Variants in XPO6 observed in about 807,000 individuals in gnomAD.
The protein encoded by XPO6 is exportin 6.
Under a neutral mutation model 130.0 loss-of-function variants are expected in XPO6, and 3 were observed. That is an observed-to-expected ratio of 0.02 (90% CI 0.01 to 0.06). XPO6 has a LOEUF of 0.06. XPO6 is among the 10% of genes least tolerant of loss of function. XPO6 has a pLI of 1.00. For synonymous variants in XPO6, 524 were observed against 548.9 expected, an observed-to-expected ratio of 0.95 and a Z score of 0.63; for missense variants, 970 against 1,393.0, an observed-to-expected ratio of 0.70 and a Z score of 4.83.
Position 28,113,026 on chromosome 16 carries a change from C to T in XPO6, c.2029G>A (p.Ala677Thr). The part of the protein sequence containing the change: ...TKVQDKLLLS[A>T]CHLLVSLATT... Reference sequence around the variant, plus strand: ...GCCAGTGAGACCAGTAAGTGGCACGCAGATAGCAGCAGCTTGTCTTGGACC... The same window carrying T: ...GCCAGTGAGACCAGTAAGTGGCACGTAGATAGCAGCAGCTTGTCTTGGACC... Residue 677 changes from alanine (A) to threonine (T), a missense_variant, in exon 16 of 24, where the codon GCG (alanine) becomes ACG (threonine). Around this residue, in one of 4 missense-constraint regions of XPO6, gnomAD observed 936 missense variants for 1,306.8 expected, o/e 0.72. Transcript: ENST00000304658. The T allele has an allele frequency of 6.2e-7, 1 of 1,614,064 alleles. No homozygotes were observed. Among genetic ancestry groups the T allele is most frequent in the Non-Finnish European group, 8.5e-7 (1 of 1,179,960 alleles).
chr16:28,131,120 T>C (rs1354764480), intron 12 of XPO6, among the ~76,000 whole-genome samples: 6 of 152,206 alleles, frequency 3.9e-5, no homozygotes, highest in Admixed American at 6.5e-5. Flanking sequence ...TTTATAAGCA[T>C]GTTTGTTTTG....
chr16:28,179,065 C>CAAA (rs36053876), intron 2 of XPO6: 158 of 141,950 alleles, frequency 1.1e-3, no homozygotes, highest in South Asian at 1.6e-3. Flanking sequence ...GGCACCATTT[C>CAAA]AAAAAAAAAA....
At chr16:28,182,915 A>G (rs2043641017) in intron 1 of XPO6, among the ~76,000 whole-genome samples, 1 of 152,216 alleles carries the variant, frequency 6.6e-6, no homozygotes, top group African/African-American at 2.4e-5. Flanking sequence ...ATTTAAAATA[A>G]AAAGGCTGTG....
intron 1 of XPO6, among the ~76,000 whole-genome samples, chr16:28,210,784 A>G (rs1464385949): frequency 2.0e-5 from 3 of 152,166 alleles, no homozygotes; most frequent in African/African-American, 7.2e-5. Context: ...CTTTGCCATC[A>G]CCTGTGCAAG....
intron 6 of XPO6, among the ~76,000 whole-genome samples, chr16:28,158,845 CACTAG>C (rs1257157091): frequency 6.6e-6 from 1 of 151,874 alleles, no homozygotes; most frequent in Non-Finnish European, 1.5e-5. Flanking sequence ...TTTTTGAAAG[CACTAG>C]ACTAAAGGAA....
intron 9 of XPO6, among the ~76,000 whole-genome samples, chr16:28,142,226 T>G (rs1239228866): frequency 6.6e-6 from 1 of 152,232 alleles, no homozygotes; most frequent in Non-Finnish European, 1.5e-5. Flanking sequence ...GTATATTTTA[T>G]CAGTTGACAA....
chr16:28,195,367 T>C (rs2069148918), intron 1 of XPO6, among the ~76,000 whole-genome samples: 1 of 152,154 alleles, frequency 6.6e-6, no homozygotes, highest in Non-Finnish European at 1.5e-5. Flanking sequence ...ACCTACTAAC[T>C]ATGAAAAATA....
intron 17 of XPO6, 65 bp downstream of exon 17, chr16:28,111,752 T>C (rs1038822440): frequency 9.6e-6 from 15 of 1,567,128 alleles, no homozygotes; most frequent in Admixed American, 3.6e-5. Flanking sequence ...GCAAATCTCA[T>C]CTGCCACAAA....
intron 23 of XPO6, among the ~76,000 whole-genome samples, chr16:28,100,308 C>T (rs1229020496): frequency 6.6e-6 from 1 of 152,204 alleles, no homozygotes; most frequent in African/African-American, 2.4e-5. Context: ...GATTTTGAAA[C>T]CACAGCTTTA....
intron 8 of XPO6, among the ~76,000 whole-genome samples, chr16:28,150,788 CA>C (rs1210360824): frequency 1.3e-5 from 2 of 152,198 alleles, no homozygotes; most frequent in Non-Finnish European, 2.9e-5. Context: ...AACATTCTCT[CA>C]AATCCTCTTT....
At chr16:28,153,077 G>A in intron 7 of XPO6, 1 of 1,053,242 alleles carries the variant, frequency 9.5e-7, no homozygotes, top group Non-Finnish European at 1.1e-6. Flanking sequence ...CAATTAAAGT[G>A]AAGGGAAATG....
At chr16:28,151,177 G>A (rs1371170517) in intron 8 of XPO6, among the ~76,000 whole-genome samples, 1 of 3,980 alleles carries the variant, frequency 2.5e-4, no homozygotes, top group Non-Finnish European at 1.0e-3. Context: ...AACACTAGTG[G>A]TTAAAAAAAA....
At chr16:28,129,807 T>C (rs2042630364) in intron 12 of XPO6, among the ~76,000 whole-genome samples, 2 of 152,346 alleles carry the variant, frequency 1.3e-5, no homozygotes, top group South Asian at 4.1e-4. Flanking sequence ...AAAGTTTGCA[T>C]GGGTAACCAG....
At chr16:28,162,713 C>A (rs11074892) in intron 6 of XPO6, among the ~76,000 whole-genome samples, 43,520 of 151,414 alleles carry the variant, frequency 0.29, 6,363 homozygotes, top group Middle Eastern at 0.33. Flanking sequence ...CAGGCAGGAG[C>A]CACCATGCCC....
chr16:28,135,675 A>G (rs1415016095), intron 9 of XPO6, among the ~76,000 whole-genome samples: 1 of 152,160 alleles, frequency 6.6e-6, no homozygotes, highest in Non-Finnish European at 1.5e-5. Context: ...ATCTCTTTCC[A>G]TCTTTTTACT....
chr16:28,195,774 A>C (rs755240969), intron 1 of XPO6, among the ~76,000 whole-genome samples: 17 of 152,020 alleles, frequency 1.1e-4, no homozygotes, highest in Admixed American at 4.6e-4. Flanking sequence ...AAAGAGAGAA[A>C]ATGTCAAACA....
intron 4 of XPO6, among the ~76,000 whole-genome samples, chr16:28,172,800 C>A (rs2043473868): frequency 6.6e-6 from 1 of 152,082 alleles, no homozygotes; most frequent in African/African-American, 2.4e-5. Flanking sequence ...AAAAAAAACC[C>A]TTGAGATGAT....
In XPO6 at chr16:28,125,826, C is replaced by A; in HGVS notation, c.1629G>T (p.Ala543=). ...SGSGHRLNIT[A]ENDCRRLHCS... ...AGTGCAGCCGCCGGCAGTCGTTCTC[C>A]GCCGTGATGTTCAACCTGTGTCCTG... is the stretch of plus-strand genomic sequence containing the variant. Residue 543 remains alanine, a synonymous_variant, in exon 13 of 24, where the codon GCG becomes GCT. Coordinates refer to ENST00000304658, the MANE Select transcript of XPO6 (RefSeq NM_015171.4). 1 of 1,614,018 alleles carries A rather than the reference C, an allele frequency of 6.2e-7. No individual in the cohort carries two copies. Among genetic ancestry groups the A allele is most frequent in the Admixed American group, 1.7e-5 (1 of 60,016 alleles).
At chr16:28,152,332 G>A (rs1018499327) in intron 8 of XPO6, among the ~76,000 whole-genome samples, 1 of 152,168 alleles carries the variant, frequency 6.6e-6, no homozygotes, top group African/African-American at 2.4e-5. Context: ...CGTAATTTCA[G>A]ACTTTTCCTT....
Sources: allele counts gnomAD v4.1 joint callset (sites outside exome capture counted in the v4.1 genomes callset), GRCh38; gene constraint gnomAD v4.1.1; regional missense constraint gnomAD v4.1.1; transcripts MANE v1.5; gene names NCBI Gene and HGNC (gene_info 2026-07-23, HGNC 2026-07-21).